The following DEAF1 variants were observed in gnomAD, a reference collection of about 807,000 sequenced individuals.
DEAF1 encodes the protein deformed epidermal autoregulatory factor 1 homolog.
DEAF1 carries 53 observed loss-of-function variants against 58.9 expected under a neutral mutation model. The observed-to-expected ratio is 0.90, with a 90% CI of 0.72 to 1.13. The LOEUF (loss-of-function observed/expected upper bound fraction) is 1.13. Among genes scored for constraint, DEAF1 ranks in the 50% most tolerant of loss-of-function variants. DEAF1 has a pLI of 0.00. For synonymous variants in DEAF1, 385 were observed against 340.4 expected (o/e 1.13, Z -1.44); for missense variants, 685 against 791.4 (o/e 0.87, Z 1.61).
chr11:660,321 A>G (rs909728575), intron 10 of DEAF1, among the ~76,000 whole-genome samples: 3 of 152,246 alleles, frequency 2.0e-5, no homozygotes, highest in Admixed American at 6.5e-5. Flanking sequence ...TCTCTGAGGA[A>G]GCATCAGACA....
In DEAF1 at chr11:694,994, C is replaced by T. The variant is rs1347006456; in HGVS notation, c.54G>A (p.Ala18=). The T allele has an allele frequency of 8.3e-7, 1 of 1,200,394 alleles. No homozygotes were observed. Among genetic ancestry groups the T allele is most frequent in the Non-Finnish European group, 1.0e-6 (1 of 967,444 alleles). 74.4% of individuals were successfully genotyped at this position (1,200,394 alleles called of 1,614,324 possible). The change falls in exon 1 of 12, where the codon GCG becomes GCA. Residue 18 remains alanine (A), a synonymous_variant. Transcript: ENST00000382409. ...AKQLGLAEAA[A]VAAAAAVAAA... ...CCGCCACAGCGGCCGCGGCCGCCAC[C>T]GCCGCCGCCTCAGCCAGGCCCAGCT... is the stretch of plus-strand genomic sequence containing the variant.
chr11:691,747 C>T (rs888304312), intron 1 of DEAF1, 149 bp from the exon 2 acceptor site: 2 of 711,240 alleles, frequency 2.8e-6, no homozygotes, highest in East Asian at 5.4e-5. Context: ...TGAACACGCT[C>T]GACCTACATT....
At chr11:702,985 C>G (rs775423041) in intron 1 of DEAF1, 1 of 1,610,900 alleles carries the variant, frequency 6.2e-7, no homozygotes, top group East Asian at 2.2e-5. Context: ...GGCCGCTGGC[C>G]GCCAGCCTGG....
At chr11:705,649 C>T (rs769887492) in intron 1 of DEAF1, among the ~76,000 whole-genome samples, 1 of 152,188 alleles carries the variant, frequency 6.6e-6, no homozygotes, top group Non-Finnish European at 1.5e-5. Flanking sequence ...GCCTGACACC[C>T]ACCCACTCAC....
chr11:645,337 GAC>G (rs796622860), intron 11 of DEAF1, among the ~76,000 whole-genome samples: 3 of 152,072 alleles, frequency 2.0e-5, no homozygotes, highest in African/African-American at 4.8e-5. Flanking sequence ...TTGTTTTTCG[GAC>G]AGAGTTTCGC....
At chr11:674,196 A>G (rs1041682873) in intron 10 of DEAF1, 1 of 354,366 alleles carries the variant, frequency 2.8e-6, no homozygotes, top group African/African-American at 2.1e-5. Flanking sequence ...ATGTTCTCCA[A>G]ACTTCATAAA....
At chr11:685,075 A>G (rs1860531797) in intron 5 of DEAF1, 112 bp from the exon 6 acceptor site, 1 of 843,884 alleles carries the variant, frequency 1.2e-6, no homozygotes. Context: ...TCATAAATAT[A>G]AAAATTCTTT....
intron 11 of DEAF1, among the ~76,000 whole-genome samples, chr11:645,566 C>T (rs1000541377): frequency 6.6e-6 from 1 of 152,180 alleles, no homozygotes. Context: ...GATCTGCCCG[C>T]CTCGGCCTCC....
chr11:688,048 G>GTCCA lies in DEAF1; in HGVS notation c.526_527insTGGA (p.Ser176LeufsTer17). 1.2e-6 allele frequency: 2 copies of GTCCA among 1,614,036 alleles called. No individual in the cohort carries two copies. Among genetic ancestry groups the GTCCA allele is most frequent in the Non-Finnish European group, 1.7e-6 (2 of 1,180,022 alleles). On this transcript the variant is annotated frameshift_variant, in exon 4 of 12. Coordinates refer to ENST00000382409, the MANE Select transcript of DEAF1 (RefSeq NM_021008.4). LOFTEE classifies it high-confidence loss of function. The surrounding 1 kb of genome is among the most constrained non-coding windows in gnomAD (Gnocchi z 4.3). ...GCCGGGAGCCAGAGGGGTTGGAGGAGACTGAGGACCTTGGGCAGAGAAAGT... is the reference window on the plus strand; with the variant it reads ...GCCGGGAGCCAGAGGGGTTGGAGGAGTCCAACTGAGGACCTTGGGCAGAGAAAGT...
chr11:703,544 C>A (rs1861595473), intron 1 of DEAF1: 2 of 1,234,100 alleles, frequency 1.6e-6, no homozygotes, highest in South Asian at 4.1e-5. Flanking sequence ...CCCCCATCAC[C>A]CCCTAGTTCC....
At position 688,294 on chromosome 11, in the gene DEAF1, G is replaced by A; in HGVS notation, c.517+37C>T. ...ATAAATTCTAGCTATTCTGAAACGT[G>A]TTTTGCCCGAGGCCTGGGGTGCAGG... On this transcript the variant is annotated intron_variant, in intron 3 of 11. Coordinates refer to ENST00000382409, the MANE Select transcript of DEAF1 (RefSeq NM_021008.4). The surrounding 1 kb of genome is among the most constrained non-coding windows in gnomAD (Gnocchi z 4.3). The A allele has an allele frequency of 6.2e-7, 1 of 1,606,768 alleles. No homozygotes were observed. Among genetic ancestry groups the A allele is most frequent in the African/African-American group, 1.3e-5 (1 of 74,696 alleles).
chr11:664,300 A>T (rs1286298863), intron 10 of DEAF1, among the ~76,000 whole-genome samples: 1 of 152,090 alleles, frequency 6.6e-6, no homozygotes, highest in Non-Finnish European at 1.5e-5. Flanking sequence ...AATGAAACCT[A>T]CTGTGTCTGG....
chr11:670,932 T>TTTTTTTTG (rs1267959940), intron 10 of DEAF1, among the ~76,000 whole-genome samples: 1 of 19,026 alleles, frequency 5.3e-5, no homozygotes, highest in East Asian at 4.9e-3. Context: ...CTGGCTAATG[T>TTTTTTTTG]TTTTTTTTTT....
rs745536481 is a variant in DEAF1 at position 654,081 on chromosome 11, T to C, written c.1504-30A>G. On this transcript the variant is annotated intron_variant, in intron 10 of 11. Transcript: ENST00000382409. ...AAGAAGGACACAACAGGCCAGTCAG[T>C]GACGTGGCCGTGGAGAGCCCCTGAG... The C allele has an allele frequency of 3.1e-6, 5 of 1,600,576 alleles. No homozygotes were observed. In the African/African-American group the frequency reaches 6.8e-5, roughly 22 times the overall value.
At chr11:649,009 G>T (rs776704546) in intron 11 of DEAF1, among the ~76,000 whole-genome samples, 1 of 152,204 alleles carries the variant, frequency 6.6e-6, no homozygotes, top group Non-Finnish European at 1.5e-5. Context: ...CCAGCACTTT[G>T]GGAGGCCAAG....
chr11:700,336 G>C, intron 1 of DEAF1: 1 of 1,077,370 alleles, frequency 9.3e-7, no homozygotes, highest in Non-Finnish European at 1.4e-6. Flanking sequence ...AGACCAGCCA[G>C]GCCAACATGG....
intron 10 of DEAF1, among the ~76,000 whole-genome samples, chr11:657,105 C>T (rs973092654): frequency 3.3e-5 from 5 of 151,994 alleles, no homozygotes; most frequent in Non-Finnish European, 5.9e-5. Context: ...CCAGCAGCAC[C>T]GGACCCACCT....
At chr11:674,918 G>A in intron 9 of DEAF1, 135 bp from the exon 10 acceptor site, 3 of 1,176,928 alleles carry the variant, frequency 2.5e-6, no homozygotes, top group Non-Finnish European at 3.6e-6. Context: ...GCCAAGGCAG[G>A]CGGATCATGA....
At chr11:664,216 G>GAA (rs764682693) in intron 10 of DEAF1, among the ~76,000 whole-genome samples, 1 of 134,118 alleles carries the variant, frequency 7.5e-6, no homozygotes, top group Non-Finnish European at 1.6e-5. Context: ...TCTGTCTCAA[G>GAA]AAAAAAAGAA....
Sources: gnomAD v4.1 joint callset for allele counts (sites outside exome capture counted in the v4.1 genomes callset) on GRCh38, gnomAD v4.1.1 for gene constraint, Gnocchi (gnomAD v3.1) non-coding constraint, MANE v1.5 for transcripts, NCBI Gene and HGNC (gene_info 2026-07-23, HGNC 2026-07-21) for gene names.